FAF1: variants seen among roughly 807,000 people sequenced by gnomAD.
The protein encoded by FAF1 is Fas associated factor 1.
FAF1 carries 25 observed loss-of-function variants against 92.5 expected under a neutral mutation model. The ratio of observed to expected loss-of-function variants is 0.27; its 90% CI spans 0.20 to 0.38. The LOEUF (loss-of-function observed/expected upper bound fraction) is 0.38, where lower values mean the gene tolerates loss of function less well. FAF1 is among the 10% of genes least tolerant of loss of function. The pLI is 1.00. For missense variants in FAF1, 636 were observed against 793.3 expected (o/e 0.80, Z 2.38); for synonymous variants, 234 against 273.2 (o/e 0.86, Z 1.42).
At chr1:50,653,694 C>T (rs932938664) in intron 8 of FAF1, among the ~76,000 whole-genome samples, 15 of 152,002 alleles carry the variant, frequency 9.9e-5, no homozygotes, top group Non-Finnish European at 2.2e-4. Flanking sequence ...GGTGAAACTT[C>T]GTCCTTATTA....
At chr1:50,673,009 G>T (rs910232749) in intron 7 of FAF1, among the ~76,000 whole-genome samples, 1 of 152,084 alleles carries the variant, frequency 6.6e-6, no homozygotes, top group Admixed American at 6.5e-5. Context: ...TATAATCCCA[G>T]CACATTGGGA....
Position 50,490,444 on chromosome 1 carries a change from G to GAA in FAF1, c.1653+142_1653+143dup, listed in dbSNP as rs1557966686. ...GGAAGGAAGGAAGGAAGGAAGGAAG[G>GAA]AAGGAAGGAAGGAAGGAAAAAGAAA... On this transcript the variant is annotated intron_variant, in intron 17 of 18. Transcript: ENST00000396153. 100 of 386,668 alleles carry GAA rather than the reference G, an allele frequency of 2.6e-4. 1 individual carries two copies. Among genetic ancestry groups the GAA allele is most frequent in the African/African-American group, 2.0e-3 (74 of 36,818 alleles). 24.0% of individuals were successfully genotyped at this position (386,668 alleles called of 1,614,324 possible).
chr1:50,632,288 T>C (rs1412690974), intron 8 of FAF1, among the ~76,000 whole-genome samples: 4 of 152,200 alleles, frequency 2.6e-5, no homozygotes, highest in Admixed American at 2.6e-4. Context: ...AGAGTTTAGC[T>C]TACATCTATT....
chr1:50,714,956 T>G (rs1344141613), intron 6 of FAF1: 1 of 397,858 alleles, frequency 2.5e-6, no homozygotes, highest in South Asian at 1.9e-5. Flanking sequence ...AGAGAAAATG[T>G]ATTTCTTTAG....
chr1:50,586,030 G>A (rs1651216546), intron 9 of FAF1, among the ~76,000 whole-genome samples: 2 of 152,208 alleles, frequency 1.3e-5, no homozygotes, highest in Admixed American at 6.5e-5. Context: ...TCTAGCCTGA[G>A]TGACAGAGTG....
At chr1:50,892,381 G>A (rs1291892197) in intron 1 of FAF1, among the ~76,000 whole-genome samples, 2 of 152,236 alleles carry the variant, frequency 1.3e-5, no homozygotes, top group Admixed American at 6.5e-5. Flanking sequence ...GCCCCAGTGA[G>A]ATGAACCTGG....
At chr1:50,605,732 T>C (rs1572864311) in intron 8 of FAF1, among the ~76,000 whole-genome samples, 1 of 152,262 alleles carries the variant, frequency 6.6e-6, no homozygotes, top group East Asian at 1.9e-4. Context: ...CTATAACCAG[T>C]AAGAAGGGTG....
At chr1:50,709,897 A>G (rs1037188865) in intron 6 of FAF1, among the ~76,000 whole-genome samples, 7 of 152,202 alleles carry the variant, frequency 4.6e-5, no homozygotes, top group Non-Finnish European at 8.8e-5. Context: ...ATGAAGAAAA[A>G]TGGACAATAA....
chr1:50,695,439 G>A (rs1657154542), intron 7 of FAF1, among the ~76,000 whole-genome samples: 1 of 151,896 alleles, frequency 6.6e-6, no homozygotes, highest in South Asian at 2.1e-4. Flanking sequence ...ACATCTAAAG[G>A]AGGCTTATTT....
chr1:50,713,699 G>A (rs1658047296), intron 6 of FAF1, among the ~76,000 whole-genome samples: 1 of 151,556 alleles, frequency 6.6e-6, no homozygotes, highest in Admixed American at 6.6e-5. Context: ...CTGGCTTCAA[G>A]TGATCCTCCT....
At chr1:50,927,481 C>A (rs1645015401) in intron 1 of FAF1, among the ~76,000 whole-genome samples, 2 of 152,018 alleles carry the variant, frequency 1.3e-5, no homozygotes, top group Admixed American at 1.3e-4. Context: ...ACTTGGGAGG[C>A]TGAGGTTGCA....
chr1:50,828,997 A>T (rs561356817), intron 2 of FAF1, among the ~76,000 whole-genome samples: 2 of 152,350 alleles, frequency 1.3e-5, no homozygotes, highest in African/African-American at 4.8e-5. Flanking sequence ...AGATTTGAAT[A>T]GGCACTCACA....
At chr1:50,939,132 C>T (rs1378370455) in intron 1 of FAF1, among the ~76,000 whole-genome samples, 1 of 152,180 alleles carries the variant, frequency 6.6e-6, no homozygotes, top group Non-Finnish European at 1.5e-5. Flanking sequence ...AGGAATAGCA[C>T]TGAATGTATA....
intron 4 of FAF1, among the ~76,000 whole-genome samples, chr1:50,784,428 A>C (rs530200700): frequency 6.6e-6 from 1 of 152,310 alleles, no homozygotes; most frequent in South Asian, 2.1e-4. Context: ...AAAATTAAGA[A>C]AACAGTCCCA....
intron 4 of FAF1, among the ~76,000 whole-genome samples, chr1:50,770,427 T>C (rs1037480199): frequency 2.6e-5 from 4 of 152,220 alleles, no homozygotes; most frequent in African/African-American, 7.2e-5. Context: ...ACAAAATCAA[T>C]GTACGAAAAT....
chr1:50,636,379 CTTTTTTTTTTTT>C (rs1213567555), intron 8 of FAF1, among the ~76,000 whole-genome samples: 1 of 79,876 alleles, frequency 1.3e-5, no homozygotes, highest in Non-Finnish European at 2.2e-5. Flanking sequence ...GGGGCGTGTC[CTTTTTTTTTTTT>C]TTTTTTTTTT....
At chr1:50,532,169 C>T (rs1213691914) in intron 15 of FAF1, among the ~76,000 whole-genome samples, 3 of 152,022 alleles carry the variant, frequency 2.0e-5, no homozygotes, top group East Asian at 1.9e-4. Flanking sequence ...CATGAAGACA[C>T]TCTAAAAACA....
At chr1:50,883,748 A>G (rs1644633881) in intron 1 of FAF1, among the ~76,000 whole-genome samples, 2 of 152,342 alleles carry the variant, frequency 1.3e-5, no homozygotes, top group East Asian at 3.9e-4. Flanking sequence ...TTTTTTCAGC[A>G]TAACTAGGAA....
chr1:50,671,883 T>G (rs1655897647), intron 7 of FAF1, among the ~76,000 whole-genome samples: 1 of 151,874 alleles, frequency 6.6e-6, no homozygotes, highest in African/African-American at 2.4e-5. Flanking sequence ...TCAAAGTCAC[T>G]GCAACCTCAA....
Sources: allele counts gnomAD v4.1 joint callset (sites outside exome capture counted in the v4.1 genomes callset), GRCh38; gene constraint gnomAD v4.1.1; transcripts MANE v1.5; gene names NCBI Gene and HGNC (gene_info 2026-07-23, HGNC 2026-07-21).